The following ATP8B2 variants were observed in gnomAD, a reference collection of about 807,000 sequenced individuals.
ATP8B2 encodes ATPase phospholipid transporting 8B2, also known as phospholipid-transporting ATPase ID.
Under a neutral mutation model 133.4 loss-of-function variants are expected in ATP8B2, and 70 were observed. The observed-to-expected ratio is 0.52, with a 90% CI of 0.43 to 0.64. The LOEUF (loss-of-function observed/expected upper bound fraction) is 0.64, where lower values mean the gene tolerates loss of function less well. Among genes scored for constraint, ATP8B2 ranks in the 30% least tolerant of loss-of-function variants. ATP8B2 has a pLI of 0.00. For missense variants in ATP8B2, 1,101 were observed against 1,535.7 expected, an observed-to-expected ratio of 0.72 and a Z score of 4.73; for synonymous variants, 517 against 589.5, an observed-to-expected ratio of 0.88 and a Z score of 1.78.
chr1:154,343,196 C>T lies in ATP8B2; in HGVS notation c.1537C>T (p.Arg513Cys), dbSNP rs747200609. 10 of 1,614,124 alleles carry T rather than the reference C, an allele frequency of 6.2e-6. No individual in the cohort carries two copies. Among genetic ancestry groups the T allele is most frequent in the Middle Eastern group, 1.6e-4 (1 of 6,062 alleles). The part of the protein sequence containing the change: ...ARNFGFVFRS[R>C]TPKTITVHEM... ...GAACTTTGGTTTTGTTTTCCGCTCTCGCACCCCCAAAACAATCACCGTCCA... is the reference window on the plus strand; with the variant it reads ...GAACTTTGGTTTTGTTTTCCGCTCTTGCACCCCCAAAACAATCACCGTCCA... The change falls in exon 16 of 28, where the codon CGC becomes TGC. Residue 513 changes from arginine (R) to cysteine (C), a missense_variant. Arg to Cys is a radical substitution (Grantham distance 180). Coordinates refer to ENST00000368489, the MANE Select transcript of ATP8B2 (RefSeq NM_001370597.1). This position sits in a 1 kb window ranked among gnomAD's most constrained non-coding sequence, Gnocchi z 5.8.
At chr1:154,337,106 T>G (rs201830638) in intron 11 of ATP8B2, among the ~76,000 whole-genome samples, 2 of 32,644 alleles carry the variant, frequency 6.1e-5, no homozygotes, top group Non-Finnish European at 1.8e-4. Flanking sequence ...CCCATAATAG[T>G]TTTTTTTTTT....
intron 1 of ATP8B2, chr1:154,327,809 T>C: frequency 6.2e-7 from 1 of 1,613,784 alleles, no homozygotes; most frequent in Non-Finnish European, 8.5e-7. Context: ...GATGGATACC[T>C]TGAGAGCTGT....
Position 154,340,933 on chromosome 1 carries a change from G to A in ATP8B2, c.1114G>A (p.Ala372Thr). ...KMFCMKKRTP[A>T]EARTTTLNEE... is the part of the protein sequence containing the mutation. ...GTTCTGCATGAAGAAGCGGACGCCT[G>A]CAGAAGCCCGCACCACCACCCTAAA... is the stretch of plus-strand genomic sequence containing the variant. Residue 372 changes from alanine (A) to threonine (T), a missense_variant, in exon 13 of 28, where the codon GCA becomes ACA. Ala to Thr is a moderately conservative substitution (Grantham distance 58). Coordinates refer to ENST00000368489, the MANE Select transcript of ATP8B2 (RefSeq NM_001370597.1). This position sits in a 1 kb window ranked among gnomAD's most constrained non-coding sequence, Gnocchi z 4.0. 6.2e-7 allele frequency: 1 copy of A among 1,614,196 alleles called. No homozygotes were observed. Among genetic ancestry groups the A allele is most frequent in the Non-Finnish European group, 8.5e-7 (1 of 1,180,034 alleles).
rs765637998 is a variant in ATP8B2 at position 154,344,696 on chromosome 1, T to A, written c.2197T>A (p.Tyr733Asn). 1 of 1,612,248 alleles carries A rather than the reference T, an allele frequency of 6.2e-7. No homozygotes were observed. Among genetic ancestry groups the A allele is most frequent in the African/African-American group, 1.3e-5 (1 of 74,908 alleles). The change falls in exon 21 of 28, where the codon TAT becomes AAT. Residue 733 changes from tyrosine to asparagine, a missense_variant. Physicochemically the swap from Tyr to Asn is moderately radical, Grantham distance 143. Transcript: ENST00000368489. The surrounding 1 kb of genome is among the most constrained non-coding windows in gnomAD (Gnocchi z 4.1). ...SSRSVGNGFTYQDKLSSSKLT... is the reference protein window; with the variant it reads ...SSRSVGNGFTNQDKLSSSKLT... Reference sequence around the variant, plus strand: ...CCGCTCCGTAGGCAACGGCTTCACCTATCAGGACAAGCTTTCTTCTTCCAA... The same window carrying A: ...CCGCTCCGTAGGCAACGGCTTCACCAATCAGGACAAGCTTTCTTCTTCCAA...
rs1686458288 is a variant in ATP8B2, at chr1:154,343,570, T to G, written c.1758+2T>G. ...AACACCACCATGGACCACCTTAATG[T>G]GGGTGTGAGGAGAGGAGGGGCCAGC... On this transcript the variant is annotated splice_donor_variant, in intron 17 of 27. Coordinates refer to ENST00000368489, the MANE Select transcript of ATP8B2 (RefSeq NM_001370597.1). LOFTEE classifies it high-confidence loss of function. The surrounding 1 kb of genome is among the most constrained non-coding windows in gnomAD (Gnocchi z 5.8). The G allele has an allele frequency of 3.1e-6, 5 of 1,613,428 alleles. No homozygotes were observed. The East Asian group carries it at 1.1e-4, about 36-fold the overall frequency.
At chr1:154,335,542 A>G (rs933874449) in intron 11 of ATP8B2, among the ~76,000 whole-genome samples, 15 of 152,134 alleles carry the variant, frequency 9.9e-5, no homozygotes, top group Non-Finnish European at 2.2e-4. Context: ...AAACTGAAAA[A>G]TTAGCCAGGT....
chr1:154,347,901 A>T (rs1686639356), intron 26 of ATP8B2, among the ~76,000 whole-genome samples: 1 of 149,112 alleles, frequency 6.7e-6, no homozygotes, highest in African/African-American at 2.5e-5. Flanking sequence ...AGATCGCGCC[A>T]TTGCACTCCA....
At chr1:154,347,081 G>A (rs1404911978) in intron 26 of ATP8B2, among the ~76,000 whole-genome samples, 1 of 152,066 alleles carries the variant, frequency 6.6e-6, no homozygotes, top group East Asian at 1.9e-4. Flanking sequence ...GTAGAGATAG[G>A]GTTTCACCAT....
rs545697159 is a variant in ATP8B2 at position 154,337,789 on chromosome 1, C to T, written c.1034+245C>T. On this transcript the variant is annotated intron_variant, in intron 12 of 27. Coordinates refer to ENST00000368489, the MANE Select transcript of ATP8B2 (RefSeq NM_001370597.1). Reference sequence around the variant, plus strand: ...TTATTCAGCACCTATTTATTACATGCCTACTGTGTACAAAGAAGTGTGCTA... The same window carrying T: ...TTATTCAGCACCTATTTATTACATGTCTACTGTGTACAAAGAAGTGTGCTA... 4.0e-5 allele frequency: 56 copies of T among 1,407,164 alleles called. 1 individual carries two copies. In the South Asian group the frequency reaches 7.1e-4, roughly 18 times the overall value. The allele number at this position is 1,407,164 out of a possible 1,614,324, so 87.2% of individuals were successfully genotyped here.
In ATP8B2 at chr1:154,341,033, AC is replaced by A; in HGVS notation, c.1215del (p.Asn405LysfsTer143). On this transcript the variant is annotated frameshift_variant, in exon 13 of 28. Coordinates refer to ENST00000368489, the MANE Select transcript of ATP8B2 (RefSeq NM_001370597.1). LOFTEE classifies it high-confidence loss of function. ...CTCACCCAGAACATCATGGTTTTCA[AC>A]AAGTGCTCCATCAATGGCCACAGCT... is the stretch of plus-strand genomic sequence containing the variant. ...GTLTQNIMVF[N>X]KCSINGHSYG... 1 of 1,614,168 alleles carries A rather than the reference AC, an allele frequency of 6.2e-7. No homozygotes were observed. The highest frequency in any genetic ancestry group is 8.5e-7 in the Non-Finnish European group (1 of 1,180,030).
rs540185455 is a variant in ATP8B2, at chr1:154,333,174, G to A, written c.589+477G>A. On this transcript the variant is annotated intron_variant, in intron 9 of 27. Transcript: ENST00000368489. ...AAAATACAAAAATTATTAGCTGGGC[G>A]TGGTGCTGCATGCCTGTAATCCCAG... 1.8e-3 allele frequency among the ~76,000 whole-genome samples: 269 copies of A among 152,154 alleles called. 2 individuals carry two copies. Among genetic ancestry groups the A allele is most frequent in the Middle Eastern group, 0.017 (5 of 294 alleles).
rs781235216 is a variant in ATP8B2 at position 154,346,308 on chromosome 1, G to A, written c.2856G>A (p.Arg952=). Residue 952 remains arginine, a synonymous_variant, in exon 25 of 28, where the codon CGG becomes CGA. Transcript: ENST00000368489. This position sits in a 1 kb window ranked among gnomAD's most constrained non-coding sequence, Gnocchi z 4.5. ...PGQLNLLFNK[R]EFFICIAQGI... is the part of the protein sequence containing the mutation. The stretch of plus-strand genomic sequence containing the variant: ...AGCTGAACCTTCTCTTCAACAAGCG[G>A]GAGTTCTTCATCTGCATCGCCCAGG... The A allele has an allele frequency of 6.9e-5, 112 of 1,614,030 alleles. No individual in the cohort carries two copies. Among genetic ancestry groups the A allele is most frequent in the Middle Eastern group, 1.6e-4 (1 of 6,084 alleles).
At chr1:154,332,046 A>G in intron 8 of ATP8B2, 22 bp downstream of exon 8, 1 of 1,602,600 alleles carries the variant, frequency 6.2e-7, no homozygotes, top group Non-Finnish European at 8.6e-7. Context: ...GCTCAGTGTC[A>G]GCCCTCTCCT....
In ATP8B2 at chr1:154,343,333, G is replaced by C. The variant is rs372071377; in HGVS notation, c.1642+32G>C. 33 of 1,611,330 alleles carry C rather than the reference G, an allele frequency of 2.0e-5. No individual in the cohort carries two copies. In the African/African-American group the frequency reaches 4.3e-4, roughly 21 times the overall value. On this transcript the variant is annotated intron_variant, in intron 16 of 27. Transcript: ENST00000368489. The surrounding 1 kb of genome is among the most constrained non-coding windows in gnomAD (Gnocchi z 5.8). ...CCAGGCCTGGGGTGCTGGGGCGTTT[G>C]GGGACAGCATTCAGGCCTGGAATGG...
intron 2 of ATP8B2, chr1:154,329,176 C>A: frequency 9.2e-7 from 1 of 1,084,292 alleles, no homozygotes; most frequent in Non-Finnish European, 1.2e-6. Flanking sequence ...TGCCTTGATC[C>A]TCTTTCCAGA....
rs1260022051 is a variant in ATP8B2, at chr1:154,331,758, T to C, written c.438+80T>C. 1 of 1,490,964 alleles carries C rather than the reference T, an allele frequency of 6.7e-7. No individual in the cohort carries two copies. Among genetic ancestry groups the C allele is most frequent in the Non-Finnish European group, 9.4e-7 (1 of 1,068,610 alleles). 92.4% of individuals were successfully genotyped at this position (1,490,964 alleles called of 1,614,324 possible). A position where few individuals can be genotyped will look rare whatever the true frequency, so the allele number is the denominator to read the frequency against. On this transcript the variant is annotated intron_variant, in intron 7 of 27. Transcript: ENST00000368489. The surrounding 1 kb of genome is among the most constrained non-coding windows in gnomAD (Gnocchi z 4.8). ...AAAGGATGAATCTTTCCTGATTTAC[T>C]GTTGCCTCTTAAACACCCGTGGCAG...
chr1:154,337,595 T>C, intron 12 of ATP8B2, 51 bp downstream of exon 12: 6 of 1,614,192 alleles, frequency 3.7e-6, no homozygotes, highest in South Asian at 1.1e-5. Context: ...GGCGGTCCCA[T>C]AGAACTTTTC....
At position 154,331,497 on chromosome 1, in the gene ATP8B2, C is replaced by G; in HGVS notation, c.357C>G (p.Ile119Met). The G allele has an allele frequency of 2.5e-6, 4 of 1,614,162 alleles. No homozygotes were observed. Among genetic ancestry groups the G allele is most frequent in the Non-Finnish European group, 3.4e-6 (4 of 1,180,016 alleles). Residue 119 changes from isoleucine (I) to methionine (M), a missense_variant, in exon 6 of 28, where the codon ATC becomes ATG. Physicochemically the swap from Ile to Met is conservative, Grantham distance 10. Transcript: ENST00000368489. This position sits in a 1 kb window ranked among gnomAD's most constrained non-coding sequence, Gnocchi z 4.8. Reference sequence around the variant, plus strand: ...ATAACCGCCAGTCTCAGGTGCTGATCAATGGAATGTGAGTGCCTGTTGGAG... The same window carrying G: ...ATAACCGCCAGTCTCAGGTGCTGATGAATGGAATGTGAGTGCCTGTTGGAG... ...QVNNRQSQVLINGILQQEQWM... is the reference protein window; with the variant it reads ...QVNNRQSQVLMNGILQQEQWM...
rs957546499 is a variant in ATP8B2 at position 154,339,628 on chromosome 1, A to T, written c.1035-1226A>T. On this transcript the variant is annotated intron_variant, in intron 12 of 27. Transcript: ENST00000368489. ...TAAAGCAGTTTTCTTTCTGAGTCTC[A>T]TCAGGTCACAGTGTGTATGTTTCGG... is the stretch of plus-strand genomic sequence containing the variant. Among the ~76,000 whole-genome samples, 7 of 152,152 alleles carry T rather than the reference A, an allele frequency of 4.6e-5. 1 individual carries two copies. The highest frequency in any genetic ancestry group is 2.6e-4 in the Admixed American group (4 of 15,270).
Sources: gnomAD v4.1 joint callset for allele counts (sites outside exome capture counted in the v4.1 genomes callset) on GRCh38, gnomAD v4.1.1 for gene constraint, Gnocchi (gnomAD v3.1) non-coding constraint, MANE v1.5 for transcripts, NCBI Gene and HGNC (gene_info 2026-07-23, HGNC 2026-07-21) for gene names.